The following DRC11 variants were observed in gnomAD, a reference collection of about 807,000 sequenced individuals.
DRC11 encodes the protein dynein regulatory complex subunit 11, also known as IQ and AAA domain-containing protein 1.
the DRC11 span, chr2:236,419,074 T>A: frequency 1.2e-4 from 169 of 1,462,268 alleles, no homozygotes; most frequent in Non-Finnish European, 1.4e-4. The surrounding 1 kb of genome is among the most constrained non-coding windows in gnomAD (Gnocchi z 4.8). Context: ...TGTAAATATC[T>A]CATTGACTCA....
At chr2:236,479,420 C>A in the DRC11 span, among the ~76,000 whole-genome samples, 1 of 151,936 alleles carries the variant, frequency 6.6e-6, no homozygotes, top group Non-Finnish European at 1.5e-5. This position sits in a 1 kb window ranked among gnomAD's most constrained non-coding sequence, Gnocchi z 4.1. Flanking sequence ...TTCTTCCTTT[C>A]TTATACTCTT....
At chr2:236,502,450 G>A in the DRC11 span, among the ~76,000 whole-genome samples, 5 of 146,632 alleles carry the variant, frequency 3.4e-5, no homozygotes, top group African/African-American at 7.6e-5. Flanking sequence ...GGTGGCAGGC[G>A]CCTGTAATCC....
the DRC11 span, among the ~76,000 whole-genome samples, chr2:236,474,907 T>C: frequency 6.6e-6 from 1 of 152,196 alleles, no homozygotes; most frequent in African/African-American, 2.4e-5. Context: ...ATTTATGTAA[T>C]GTGTAATGAT....
At chr2:236,370,394 C>T in the DRC11 span, among the ~76,000 whole-genome samples, 1 of 152,180 alleles carries the variant, frequency 6.6e-6, no homozygotes, top group Non-Finnish European at 1.5e-5. This position sits in a 1 kb window ranked among gnomAD's most constrained non-coding sequence, Gnocchi z 5.5. Context: ...AAAGGCCTGG[C>T]ATCTTGGAGG....
the DRC11 span, among the ~76,000 whole-genome samples, chr2:236,357,687 ATGTAAATATCTG>A: frequency 0.17 from 20,823 of 125,214 alleles, 2,008 homozygotes; most frequent in Non-Finnish European, 0.22. Flanking sequence ...TATTTACAAT[ATGTAAATATCTG>A]ATATGTAAAT....
chr2:236,307,838 C>T, the DRC11 span, among the ~76,000 whole-genome samples: 2 of 152,234 alleles, frequency 1.3e-5, no homozygotes, highest in Non-Finnish European at 2.9e-5. This position sits in a 1 kb window ranked among gnomAD's most constrained non-coding sequence, Gnocchi z 7.0. Context: ...TTCTTCTTCC[C>T]TTTTGTGTCT....
At chr2:236,473,808 G>C in the DRC11 span, among the ~76,000 whole-genome samples, 7 of 151,760 alleles carry the variant, frequency 4.6e-5, no homozygotes, top group Non-Finnish European at 8.8e-5. This position sits in a 1 kb window ranked among gnomAD's most constrained non-coding sequence, Gnocchi z 4.8. Context: ...TATGACAATG[G>C]TAAGAGAAAC....
the DRC11 span, chr2:236,368,341 A>G: frequency 2.4e-6 from 3 of 1,242,594 alleles, no homozygotes; most frequent in Non-Finnish European, 3.5e-6. Context: ...AATGGAAAAC[A>G]GCGCTGGTCT....
the DRC11 span, among the ~76,000 whole-genome samples, chr2:236,323,059 T>C: frequency 3.9e-3 from 597 of 152,366 alleles, 2 homozygotes; most frequent in Non-Finnish European, 5.5e-3. This position sits in a 1 kb window ranked among gnomAD's most constrained non-coding sequence, Gnocchi z 6.4. Flanking sequence ...AGTGTACTTG[T>C]CGTGAAACTA....
the DRC11 span, among the ~76,000 whole-genome samples, chr2:236,387,661 C>T: frequency 6.6e-6 from 1 of 151,324 alleles, no homozygotes; most frequent in Non-Finnish European, 1.5e-5. Context: ...AGTCCATTTA[C>T]ATTTAAAGTT....
At chr2:236,328,962 G>A in the DRC11 span, among the ~76,000 whole-genome samples, 2 of 152,204 alleles carry the variant, frequency 1.3e-5, no homozygotes, top group Non-Finnish European at 2.9e-5. The surrounding 1 kb of genome is among the most constrained non-coding windows in gnomAD (Gnocchi z 6.7). Context: ...CAAGATGGCT[G>A]CAGTGCTGTG....
At chr2:236,357,168 C>CTATATATTATATATTCGTATAT in the DRC11 span, among the ~76,000 whole-genome samples, 3 of 80,456 alleles carry the variant, frequency 3.7e-5, no homozygotes, top group African/African-American at 1.2e-4. Context: ...TCATATATAT[C>CTATATATTATATATTCGTATAT]TATATATTAT....
the DRC11 span, chr2:236,363,699 C>A: frequency 9.2e-7 from 1 of 1,083,158 alleles, no homozygotes; most frequent in Non-Finnish European, 1.4e-6. This position sits in a 1 kb window ranked among gnomAD's most constrained non-coding sequence, Gnocchi z 5.6. Flanking sequence ...TGCTTGTCTG[C>A]CAATGGAAAT....
At chr2:236,319,282 A>G in the DRC11 span, among the ~76,000 whole-genome samples, 1 of 152,190 alleles carries the variant, frequency 6.6e-6, no homozygotes, top group Non-Finnish European at 1.5e-5. The surrounding 1 kb of genome is among the most constrained non-coding windows in gnomAD (Gnocchi z 6.7). Flanking sequence ...TGCCGTGTAC[A>G]CGGCTCAGTT....
the DRC11 span, among the ~76,000 whole-genome samples, chr2:236,506,896 C>T: frequency 1.3e-5 from 2 of 152,318 alleles, no homozygotes; most frequent in East Asian, 3.9e-4. This position sits in a 1 kb window ranked among gnomAD's most constrained non-coding sequence, Gnocchi z 4.9. Flanking sequence ...CCACAAAGCA[C>T]CGTATTTGTT....
At chr2:236,408,445 A>G in the DRC11 span, 1 of 739,668 alleles carries the variant, frequency 1.4e-6, no homozygotes, top group South Asian at 1.4e-5. This position sits in a 1 kb window ranked among gnomAD's most constrained non-coding sequence, Gnocchi z 5.5. Context: ...CTGCCCAAAC[A>G]CTTGGTTCAC....
At chr2:236,446,087 C>T in the DRC11 span, among the ~76,000 whole-genome samples, 1 of 152,158 alleles carries the variant, frequency 6.6e-6, no homozygotes, top group African/African-American at 2.4e-5. The surrounding 1 kb of genome is among the most constrained non-coding windows in gnomAD (Gnocchi z 6.2). Flanking sequence ...GAGACTTTAC[C>T]ACCTTGGCTG....
At chr2:236,438,596 G>C in the DRC11 span, among the ~76,000 whole-genome samples, 1 of 151,996 alleles carries the variant, frequency 6.6e-6, no homozygotes, top group Non-Finnish European at 1.5e-5. Context: ...TCTTCCATTT[G>C]TTTGTATCCT....
the DRC11 span, among the ~76,000 whole-genome samples, chr2:236,306,727 CAG>C: frequency 6.6e-6 from 1 of 152,178 alleles, no homozygotes; most frequent in African/African-American, 2.4e-5. This position sits in a 1 kb window ranked among gnomAD's most constrained non-coding sequence, Gnocchi z 5.9. Flanking sequence ...GAAGGCATGT[CAG>C]ATCCCTCATT....
Sources: gnomAD v4.1 joint callset for allele counts (sites outside exome capture counted in the v4.1 genomes callset) on GRCh38, gnomAD v4.1.1 for gene constraint, Gnocchi (gnomAD v3.1) non-coding constraint, MANE v1.5 for transcripts, NCBI Gene and HGNC (gene_info 2026-07-23, HGNC 2026-07-21) for gene names.